The following ADAM20 variants were observed in gnomAD, a reference collection of about 807,000 sequenced individuals.
ADAM20 encodes disintegrin and metalloproteinase domain-containing protein 20.
For missense variants in ADAM20, 871 were observed against 883.2 expected, an observed-to-expected ratio of 0.99 and a Z score of 0.18; for synonymous variants, 305 against 310.2, an observed-to-expected ratio of 0.98 and a Z score of 0.18.
the ADAM20 span, among the ~76,000 whole-genome samples, chr14:70,578,726 C>G: frequency 6.6e-6 from 1 of 152,064 alleles, no homozygotes; most frequent in Non-Finnish European, 1.5e-5. Context: ...AGGAGGTACA[C>G]ATGGGGGTTT....
At chr14:70,555,716 C>T in the ADAM20 span, among the ~76,000 whole-genome samples, 1 of 152,154 alleles carries the variant, frequency 6.6e-6, no homozygotes, top group Admixed American at 6.5e-5. Context: ...AGATTCCCTA[C>T]GTTTCTCTCT....
the ADAM20 span, among the ~76,000 whole-genome samples, chr14:70,574,512 T>A: frequency 6.6e-6 from 1 of 151,598 alleles, no homozygotes. Context: ...TGGTGGCGGG[T>A]GCGTGTAGTC....
At chr14:70,557,304 A>T in the ADAM20 span, 2 of 152,340 alleles carry the variant, frequency 1.3e-5, no homozygotes, top group African/African-American at 4.8e-5. Context: ...ATTATTCTAT[A>T]TATGACTGCA....
upstream of ADAM20, among the ~76,000 whole-genome samples, chr14:70,539,922 G>A (rs1883910434): frequency 6.6e-6 from 1 of 152,178 alleles, no homozygotes; most frequent in Non-Finnish European, 1.5e-5. Flanking sequence ...TGACCCCCCT[G>A]GACCCAGCTT....
chr14:70,546,676 T>G, the ADAM20 span, among the ~76,000 whole-genome samples: 2 of 152,160 alleles, frequency 1.3e-5, no homozygotes, highest in Non-Finnish European at 1.5e-5. Context: ...TCCAAGATAC[T>G]TTCCTTTCAC....
At chr14:70,564,859 T>C in the ADAM20 span, among the ~76,000 whole-genome samples, 58 of 146,314 alleles carry the variant, frequency 4.0e-4, no homozygotes, top group Non-Finnish European at 7.4e-4. Context: ...CCAGCCTGGG[T>C]GACACAGCAA....
At chr14:70,564,243 C>G in the ADAM20 span, among the ~76,000 whole-genome samples, 1 of 152,242 alleles carries the variant, frequency 6.6e-6, no homozygotes, top group African/African-American at 2.4e-5. Context: ...AAGGCTTTCT[C>G]TTCAGGAGTG....
At chr14:70,554,486 ATGTC>A in the ADAM20 span, among the ~76,000 whole-genome samples, 2 of 152,186 alleles carry the variant, frequency 1.3e-5, no homozygotes, top group Non-Finnish European at 2.9e-5. Context: ...AACAATCTAA[ATGTC>A]TGTCGACAGA....
At chr14:70,555,281 AAAG>A in the ADAM20 span, among the ~76,000 whole-genome samples, 1 of 152,238 alleles carries the variant, frequency 6.6e-6, no homozygotes, top group African/African-American at 2.4e-5. Flanking sequence ...AAAAAAAAGA[AAAG>A]AAATGAAATG....
chr14:70,558,339 T>C, the ADAM20 span, among the ~76,000 whole-genome samples: 5 of 152,230 alleles, frequency 3.3e-5, no homozygotes, highest in Admixed American at 6.5e-5. Flanking sequence ...TAGATCGGAT[T>C]TGATATTTAC....
At chr14:70,564,157 A>T in the ADAM20 span, among the ~76,000 whole-genome samples, 1 of 152,270 alleles carries the variant, frequency 6.6e-6, no homozygotes, top group African/African-American at 2.4e-5. Context: ...GCCTGAGACA[A>T]CTAGGAGCAA....
Position 70,522,767 on chromosome 14 carries a change from T to C in ADAM20, c.1991A>G (p.Lys664Arg). 6.2e-6 allele frequency: 10 copies of C among 1,614,090 alleles called. No individual in the cohort carries two copies. The highest frequency in any genetic ancestry group is 1.3e-5 in the African/African-American group (1 of 75,054). Reference sequence around the variant, plus strand: ...AGCACTACCTCCATAGCCTTTGTCCTTGCAGTATGGGGGTGCCCATTCATG... The same window carrying C: ...AGCACTACCTCCATAGCCTTTGTCCCTGCAGTATGGGGGTGCCCATTCATG... ...CNHEWAPPYCKDKGYGGSADS... is the reference protein window; with the variant it reads ...CNHEWAPPYCRDKGYGGSADS... Residue 664 changes from lysine to arginine, a missense_variant, in exon 2 of 2, where the codon AAG (lysine) becomes AGG (arginine). Lys to Arg is a conservative substitution (Grantham distance 26). Coordinates refer to ENST00000256389, the MANE Select transcript of ADAM20 (RefSeq NM_003814.5).
intron 1 of ADAM20, 132 bp from the exon 2 acceptor site, chr14:70,525,065 C>A: frequency 1.3e-6 from 1 of 766,786 alleles, no homozygotes; most frequent in Non-Finnish European, 2.0e-6. Flanking sequence ...TACATATGGC[C>A]AAGAAGATTT....
At chr14:70,568,687 G>C in the ADAM20 span, among the ~76,000 whole-genome samples, 62 of 152,178 alleles carry the variant, frequency 4.1e-4, no homozygotes, top group African/African-American at 1.4e-3. Context: ...AAAACAAATA[G>C]AACTTCTGAA....
At chr14:70,546,790 G>C in the ADAM20 span, among the ~76,000 whole-genome samples, 1 of 151,182 alleles carries the variant, frequency 6.6e-6, no homozygotes, top group Non-Finnish European at 1.5e-5. Context: ...ATTAGTAAAA[G>C]AAAAAATAAC....
At chr14:70,568,416 A>G in the ADAM20 span, among the ~76,000 whole-genome samples, 1 of 152,260 alleles carries the variant, frequency 6.6e-6, no homozygotes, top group Admixed American at 6.5e-5. Flanking sequence ...CTCAAAAATG[A>G]GAAGTAGCAG....
chr14:70,576,915 G>A, the ADAM20 span, among the ~76,000 whole-genome samples: 1 of 152,206 alleles, frequency 6.6e-6, no homozygotes, highest in African/African-American at 2.4e-5. Context: ...AACCCAGTGA[G>A]ACCAGAAAAC....
At chr14:70,576,335 C>T in the ADAM20 span, among the ~76,000 whole-genome samples, 2 of 152,198 alleles carry the variant, frequency 1.3e-5, no homozygotes, top group East Asian at 3.9e-4. Context: ...TACAAACAAC[C>T]TTTAGCCTTA....
At chr14:70,554,973 G>A in the ADAM20 span, among the ~76,000 whole-genome samples, 3 of 152,204 alleles carry the variant, frequency 2.0e-5, no homozygotes, top group Non-Finnish European at 2.9e-5. Context: ...TTAAATACCC[G>A]CTAGAATATT....
Sources: allele counts gnomAD v4.1 joint callset (sites outside exome capture counted in the v4.1 genomes callset), GRCh38; gene constraint gnomAD v4.1.1; transcripts MANE v1.5; gene names NCBI Gene and HGNC (gene_info 2026-07-23, HGNC 2026-07-21).